KCMF1: variants seen among roughly 807,000 people sequenced by gnomAD.
The protein encoded by KCMF1 is E3 ubiquitin-protein ligase KCMF1.
Under a neutral mutation model 41.1 loss-of-function variants are expected in KCMF1, and 3 were observed. The ratio of observed to expected loss-of-function variants is 0.07; its 90% CI spans 0.03 to 0.19. The LOEUF is 0.19. Among genes scored for constraint, KCMF1 ranks in the 10% least tolerant of loss-of-function variants. KCMF1 has a pLI of 1.00. For missense variants in KCMF1, 286 were observed against 488.9 expected, an observed-to-expected ratio of 0.58 and a Z score of 3.91; for synonymous variants, 142 against 164.5, an observed-to-expected ratio of 0.86 and a Z score of 1.04.
intron 1 of KCMF1, among the ~76,000 whole-genome samples, chr2:85,014,440 A>G (rs1003904303): frequency 6.6e-6 from 1 of 152,260 alleles, no homozygotes; most frequent in African/African-American, 2.4e-5. Context: ...CTTTGGAGCA[A>G]ATTACTTAGT....
At position 85,053,203 on chromosome 2, in the gene KCMF1, G is replaced by A; in HGVS notation, c.940G>A (p.Ala314Thr). ...TERQSMESER[A>T]DRSLFVQELL... is the part of the protein sequence containing the mutation. ...GCGCCAGTCCATGGAAAGCGAGCGT[G>A]CAGACCGCAGCCTGTTTGTCCAAGA... The change falls in exon 7 of 7, where the codon GCA (alanine) becomes ACA (threonine). Residue 314 changes from alanine to threonine, a missense_variant. Physicochemically the swap from Ala to Thr is moderately conservative, Grantham distance 58 (BLOSUM62 0). Around this residue, in one of 2 missense-constraint regions of KCMF1, gnomAD observed 191 missense variants for 279.3 expected, o/e 0.68. Coordinates refer to ENST00000409785, the MANE Select transcript of KCMF1 (RefSeq NM_020122.5). The A allele has an allele frequency of 1.9e-6, 3 of 1,613,976 alleles. No individual in the cohort carries two copies. Among genetic ancestry groups the A allele is most frequent in the Non-Finnish European group, 2.5e-6 (3 of 1,179,884 alleles).
chr2:85,010,129 A>G (rs1454478911), intron 1 of KCMF1, among the ~76,000 whole-genome samples: 1 of 152,152 alleles, frequency 6.6e-6, no homozygotes, highest in African/African-American at 2.4e-5. Flanking sequence ...TTCAATTTCA[A>G]TACAAAATTT....
intron 1 of KCMF1, among the ~76,000 whole-genome samples, chr2:84,975,623 A>G (rs780371861): frequency 1.3e-5 from 2 of 152,074 alleles, no homozygotes; most frequent in Non-Finnish European, 2.9e-5. Context: ...TGTTCTTGTC[A>G]TGTTAACATT....
In KCMF1 at chr2:85,058,515, T is replaced by C. The variant is rs909983172; in HGVS notation, c.*5106T>C. ...CCACAGGGAACCTAGCATCTGACTG[T>C]GTCCTTGGCAGACAGTGCATGTAGC... is the stretch of plus-strand genomic sequence containing the variant. On this transcript the variant is annotated 3_prime_UTR_variant, in exon 7 of 7. Transcript: ENST00000409785. The C allele has an allele frequency of 1.3e-5, 2 of 152,278 alleles. No homozygotes were observed. The highest frequency in any genetic ancestry group is 4.8e-5 in the African/African-American group (2 of 41,466). The allele number at this position is 152,278 out of a possible 1,614,324, so 9.4% of individuals were successfully genotyped here. A position where few individuals can be genotyped will look rare whatever the true frequency, so the allele number is the denominator to read the frequency against.
In KCMF1 at chr2:85,006,483, G is replaced by A. The variant is rs530846078; in HGVS notation, c.17-21406G>A. On this transcript the variant is annotated intron_variant, in intron 1 of 6. Transcript: ENST00000409785. Reference sequence around the variant, plus strand: ...GCCCGGCTAATTTTTTGTATTTTTAGTAGAGACAGGGTTTCACCGTATTAG... The same window carrying A: ...GCCCGGCTAATTTTTTGTATTTTTAATAGAGACAGGGTTTCACCGTATTAG... Among the ~76,000 whole-genome samples the A allele has an allele frequency of 4.8e-4, 73 of 151,430 alleles. 1 individual carries two copies. Among genetic ancestry groups the A allele is most frequent in the Middle Eastern group, 6.8e-3 (2 of 294 alleles).
Position 85,057,296 on chromosome 2 carries a change from G to A in KCMF1, c.*3887G>A, listed in dbSNP as rs754117105. 3 of 152,160 alleles carry A rather than the reference G, an allele frequency of 2.0e-5. No individual in the cohort carries two copies. Among genetic ancestry groups the A allele is most frequent in the Non-Finnish European group, 4.4e-5 (3 of 68,042 alleles). The allele number at this position is 152,160 out of a possible 1,614,324, so 9.4% of individuals were successfully genotyped here. On this transcript the variant is annotated 3_prime_UTR_variant, in exon 7 of 7. Transcript: ENST00000409785. ...CTGTGCTCTTTCTAAAGCTCAACTA[G>A]ACACTAAAACAGTTCTCTCCTTGAG... is the stretch of plus-strand genomic sequence containing the variant.
intron 1 of KCMF1, among the ~76,000 whole-genome samples, chr2:85,006,037 A>G (rs1044634077): frequency 6.6e-6 from 1 of 152,136 alleles, no homozygotes; most frequent in Non-Finnish European, 1.5e-5. Flanking sequence ...GCCTGGTCAC[A>G]TATCAGTTCC....
Position 85,049,396 on chromosome 2 carries a change from G to T in KCMF1, c.632G>T (p.Arg211Leu). The change falls in exon 6 of 7, where the codon CGT becomes CTT. Residue 211 changes from arginine to leucine, a missense_variant. Physicochemically the swap from Arg to Leu is moderately radical, Grantham distance 102. Coordinates refer to ENST00000409785, the MANE Select transcript of KCMF1 (RefSeq NM_020122.5). ...ELLSQLSGVR[R>L]SAGGQLNSSG... ...TTATCTCAGTTATCAGGAGTGAGAC[G>T]TTCTGCAGGAGGACAGCTTAATTCC... 1 of 1,613,870 alleles carries T rather than the reference G, an allele frequency of 6.2e-7. No homozygotes were observed. The highest frequency in any genetic ancestry group is 8.5e-7 in the Non-Finnish European group (1 of 1,179,760).
At position 85,008,308 on chromosome 2, in the gene KCMF1, ATGATAT is replaced by A. The variant is rs1286846063; in HGVS notation, c.17-19580_17-19575del. 1.5e-4 allele frequency among the ~76,000 whole-genome samples: 12 copies of A among 81,902 alleles called. 1 individual carries two copies. Among genetic ancestry groups the A allele is most frequent in the African/African-American group, 7.1e-4 (11 of 15,510 alleles). 53.7% of individuals were successfully genotyped at this position (81,902 alleles called of 152,430 possible). A position where few individuals can be genotyped will look rare whatever the true frequency, so the allele number is the denominator to read the frequency against. ...ATATATAATATATATAATATATAAT[ATGATAT>A]ATATATCATATATAATATATAATAT... is the stretch of plus-strand genomic sequence containing the variant. On this transcript the variant is annotated intron_variant, in intron 1 of 6. Transcript: ENST00000409785.
rs1574046849 is a variant in KCMF1, at chr2:85,053,593, C to A, written c.*184C>A. On this transcript the variant is annotated 3_prime_UTR_variant, in exon 7 of 7. Coordinates refer to ENST00000409785, the MANE Select transcript of KCMF1 (RefSeq NM_020122.5). ...ATTTCCACTTAACTAATTTTTACTT[C>A]TAGCAGGTAAATGTAGGTAGCAGTG... The A allele has an allele frequency of 1.4e-6, 1 of 696,000 alleles. No homozygotes were observed. The highest frequency in any genetic ancestry group is 2.3e-6 in the Non-Finnish European group (1 of 429,218). 43.1% of individuals were successfully genotyped at this position (696,000 alleles called of 1,614,324 possible).
chr2:85,034,943 T>G, intron 2 of KCMF1, 73 bp from the exon 3 acceptor site: 1 of 1,305,798 alleles, frequency 7.7e-7, no homozygotes, highest in Admixed American at 2.1e-5. Context: ...TTTTACATTA[T>G]TGTATCGTAC....
Position 85,044,519 on chromosome 2 carries a change from G to A in KCMF1, c.426+854G>A, listed in dbSNP as rs147096980. Reference sequence around the variant, plus strand: ...GCCTCCCAAGTAGCTAAGATTACAGGTGCCCGCCACCACACCCAGCTAATT... The same window carrying A: ...GCCTCCCAAGTAGCTAAGATTACAGATGCCCGCCACCACACCCAGCTAATT... On this transcript the variant is annotated intron_variant, in intron 4 of 6. Coordinates refer to ENST00000409785, the MANE Select transcript of KCMF1 (RefSeq NM_020122.5). 9.2e-5 allele frequency among the ~76,000 whole-genome samples: 14 copies of A among 152,176 alleles called. No homozygotes were observed. In the East Asian group the frequency reaches 2.7e-3, roughly 29 times the overall value.
chr2:85,000,773 CT>C (rs1234800307), intron 1 of KCMF1, among the ~76,000 whole-genome samples: 16,778 of 118,566 alleles, frequency 0.14, 1,387 homozygotes, highest in East Asian at 0.35. Flanking sequence ...GATAATTTTA[CT>C]TTTTTTTTTT....
intron 1 of KCMF1, among the ~76,000 whole-genome samples, chr2:85,015,602 T>C (rs981836031): frequency 6.6e-6 from 1 of 152,172 alleles, no homozygotes; most frequent in East Asian, 1.9e-4. Flanking sequence ...ACCAAGTTCC[T>C]CTATACTGAA....
At chr2:85,034,681 G>T (rs1675364524) in intron 2 of KCMF1, among the ~76,000 whole-genome samples, 1 of 152,144 alleles carries the variant, frequency 6.6e-6, no homozygotes, top group Non-Finnish European at 1.5e-5. Flanking sequence ...GAGTGCAGTG[G>T]CATGATCTCG....
chr2:84,981,687 C>T lies in KCMF1; in HGVS notation c.16+10220C>T, dbSNP rs142310471. Among the ~76,000 whole-genome samples, 4 of 152,162 alleles carry T rather than the reference C, an allele frequency of 2.6e-5. No homozygotes were observed. In the East Asian group the frequency reaches 7.7e-4, roughly 29 times the overall value. On this transcript the variant is annotated intron_variant, in intron 1 of 6. Coordinates refer to ENST00000409785, the MANE Select transcript of KCMF1 (RefSeq NM_020122.5). Reference sequence around the variant, plus strand: ...TATTTGGTTATGACTTTTATTGTTCCTTTGAGACTCTGTCATCCTCCCTAC... The same window carrying T: ...TATTTGGTTATGACTTTTATTGTTCTTTTGAGACTCTGTCATCCTCCCTAC...
intron 1 of KCMF1, among the ~76,000 whole-genome samples, chr2:84,985,021 A>G (rs1673866159): frequency 6.6e-6 from 1 of 152,056 alleles, no homozygotes; most frequent in African/African-American, 2.4e-5. Context: ...GGTCAGGAAA[A>G]GCCTATCTGA....
chr2:84,975,409 G>C (rs187823642), intron 1 of KCMF1, among the ~76,000 whole-genome samples: 130 of 152,262 alleles, frequency 8.5e-4, no homozygotes, highest in African/African-American at 2.9e-3. Flanking sequence ...GATGGGAAAT[G>C]AGTTCACAGA....
chr2:85,037,287 C>T (rs1301103272), intron 3 of KCMF1, among the ~76,000 whole-genome samples: 1 of 152,096 alleles, frequency 6.6e-6, no homozygotes. Context: ...CACCCATACA[C>T]CTAGACATTT....
Sources: gnomAD v4.1 joint callset for allele counts (sites outside exome capture counted in the v4.1 genomes callset) on GRCh38, gnomAD v4.1.1 for gene constraint, gnomAD v4.1.1 regional missense constraint, MANE v1.5 for transcripts, NCBI Gene and HGNC (gene_info 2026-07-23, HGNC 2026-07-21) for gene names.